TMBIM4: variants seen among roughly 807,000 people sequenced by gnomAD.
TMBIM4 encodes transmembrane BAX inhibitor motif containing 4, also known as protein lifeguard 4.
TMBIM4 carries 28 observed loss-of-function variants against 27.7 expected under a neutral mutation model. The ratio of observed to expected loss-of-function variants is 1.01; its 90% CI spans 0.75 to 1.38. The LOEUF (loss-of-function observed/expected upper bound fraction) is 1.38. Ranked by LOEUF, TMBIM4 falls within the 40% of genes most tolerant of loss-of-function variation. The pLI, the probability that TMBIM4 is intolerant of heterozygous loss-of-function variation, is 0.00. For missense variants in TMBIM4, 265 were observed against 277.5 expected (o/e 0.95, Z 0.32); for synonymous variants, 115 against 113.1 (o/e 1.02, Z -0.11).
At chr12:66,153,483 T>C in intron 1 of TMBIM4, 35 bp from the exon 2 acceptor site, 1 of 1,263,858 alleles carries the variant, frequency 7.9e-7, no homozygotes, top group Non-Finnish European at 1.1e-6. Context: ...ACTATTTTCT[T>C]AACCATTTAT....
intron 2 of TMBIM4, 36 bp downstream of exon 2, chr12:66,153,304 G>A (rs2051880084): frequency 2.5e-6 from 3 of 1,220,476 alleles, no homozygotes; most frequent in African/African-American, 3.1e-5. Context: ...CATATGCAAT[G>A]TCTGAAAATT....
chr12:66,162,595 G>T (rs2052060958), intron 1 of TMBIM4, among the ~76,000 whole-genome samples: 1 of 152,210 alleles, frequency 6.6e-6, no homozygotes, highest in South Asian at 2.1e-4. Flanking sequence ...ACAATCTGCT[G>T]TGACTATCAA....
intron 1 of TMBIM4, among the ~76,000 whole-genome samples, chr12:66,162,486 A>T (rs1212817484): frequency 1.3e-5 from 2 of 152,218 alleles, no homozygotes; most frequent in Non-Finnish European, 2.9e-5. Flanking sequence ...TTCACACTGT[A>T]AAAGTGATTA....
intron 5 of TMBIM4, among the ~76,000 whole-genome samples, chr12:66,139,850 C>T (rs115245854): frequency 1.2e-3 from 183 of 152,286 alleles, no homozygotes; most frequent in African/African-American, 4.3e-3. Flanking sequence ...AGTTTGCATT[C>T]ACACAAGCTG....
Position 66,137,657 on chromosome 12 carries a change from G to C in TMBIM4, c.*303C>G. Reference sequence around the variant, plus strand: ...GATCCACCTGCCTCGGTCTCCCAAAGTGGTGGGATTACAGGCGTGAGCCAC... The same window carrying C: ...GATCCACCTGCCTCGGTCTCCCAAACTGGTGGGATTACAGGCGTGAGCCAC... On this transcript the variant is annotated 3_prime_UTR_variant, in exon 7 of 7. Coordinates refer to ENST00000358230, the MANE Select transcript of TMBIM4 (RefSeq NM_016056.4). 1 of 287,726 alleles carries C rather than the reference G, an allele frequency of 3.5e-6. No individual in the cohort carries two copies. The highest frequency in any genetic ancestry group is 6.7e-6 in the Non-Finnish European group (1 of 148,694). The allele number at this position is 287,726 out of a possible 1,614,324, so 17.8% of individuals were successfully genotyped here.
At chr12:66,160,475 T>C (rs1173905832) in intron 1 of TMBIM4, among the ~76,000 whole-genome samples, 2 of 152,144 alleles carry the variant, frequency 1.3e-5, no homozygotes, top group South Asian at 2.1e-4. Context: ...CAAGTGGGGA[T>C]GGTTAAATAA....
chr12:66,161,565 T>C (rs1478771709), intron 1 of TMBIM4, among the ~76,000 whole-genome samples: 1 of 152,240 alleles, frequency 6.6e-6, no homozygotes, highest in Admixed American at 6.5e-5. Flanking sequence ...GGAGCATTTT[T>C]AACCTTTTAA....
In TMBIM4 at chr12:66,145,869, TA is replaced by T; in HGVS notation, c.435del (p.Lys146ArgfsTer24). The T allele has an allele frequency of 6.2e-7, 1 of 1,604,706 alleles. No individual in the cohort carries two copies. The highest frequency in any genetic ancestry group is 8.5e-7 in the Non-Finnish European group (1 of 1,173,446). On this transcript the variant is annotated frameshift_variant, in exon 5 of 7. Transcript: ENST00000358230. LOFTEE classifies it high-confidence loss of function. ...FFGLTVYTLQ[S>X]KKDFSKFGAG... is the part of the protein sequence containing the mutation. Reference sequence around the variant, plus strand: ...GCTCCAAATTTGCTGAAATCCTTCTTAGATTGTAGAGTATACACAGTCAAAC... The same window carrying T: ...GCTCCAAATTTGCTGAAATCCTTCTTGATTGTAGAGTATACACAGTCAAAC...
intron 1 of TMBIM4, among the ~76,000 whole-genome samples, chr12:66,168,386 G>T (rs1182449265): frequency 6.6e-6 from 1 of 152,172 alleles, no homozygotes; most frequent in Admixed American, 6.5e-5. Flanking sequence ...GGGACTGGGG[G>T]AAGGAAGGAA....
intron 5 of TMBIM4, among the ~76,000 whole-genome samples, chr12:66,140,133 T>A (rs1314781611): frequency 6.6e-6 from 1 of 151,760 alleles, no homozygotes; most frequent in African/African-American, 2.4e-5. Flanking sequence ...TGCAAAAGAA[T>A]GAAGGAAATA....
chr12:66,146,054 T>C, intron 4 of TMBIM4, 96 bp from the exon 5 acceptor site: 1 of 605,086 alleles, frequency 1.7e-6, no homozygotes, highest in Non-Finnish European at 2.9e-6. Flanking sequence ...TTTTCTCCTG[T>C]ACTTTATGCC....
chr12:66,138,787 T>C lies in TMBIM4; in HGVS notation c.465-18A>G, dbSNP rs772064698. On this transcript the variant is annotated intron_variant, in intron 5 of 6. Transcript: ENST00000358230. ...CAAACAGCCTATAAAAATACAATTT[T>C]AGTAATTTGCAATATTGTTCCTTAC... 6.6e-7 allele frequency: 1 copy of C among 1,526,480 alleles called. No homozygotes were observed. Among genetic ancestry groups the C allele is most frequent in the Non-Finnish European group, 8.7e-7 (1 of 1,145,830 alleles). 94.6% of individuals were successfully genotyped at this position (1,526,480 alleles called of 1,614,324 possible).
chr12:66,142,957 C>A (rs186514011), intron 5 of TMBIM4, among the ~76,000 whole-genome samples: 1 of 152,280 alleles, frequency 6.6e-6, no homozygotes, highest in East Asian at 1.9e-4. Context: ...CTACAACATC[C>A]AAGTTGAAAT....
chr12:66,153,249 G>C, intron 2 of TMBIM4, 91 bp downstream of exon 2: 1 of 784,184 alleles, frequency 1.3e-6, no homozygotes, highest in Non-Finnish European at 2.1e-6. Context: ...AACCTCAAAA[G>C]TTAATAGAAA....
At chr12:66,161,187 T>A (rs1462931081) in intron 1 of TMBIM4, 1 of 152,256 alleles carries the variant, frequency 6.6e-6, no homozygotes, top group Non-Finnish European at 1.5e-5. Flanking sequence ...ACATTTTAGA[T>A]GTATATTATT....
rs1592530696 is a variant in TMBIM4 at position 66,137,843 on chromosome 12, T to C, written c.*117A>G. The C allele has an allele frequency of 6.4e-6, 2 of 314,840 alleles. No individual in the cohort carries two copies. Among genetic ancestry groups the C allele is most frequent in the Non-Finnish European group, 1.1e-5 (2 of 185,012 alleles). 19.5% of individuals were successfully genotyped at this position (314,840 alleles called of 1,614,324 possible). ...AAAGATTGTAACAGTATTTAATCAT[T>C]GTTTCAAACTTTATTACTTAATGAA... On this transcript the variant is annotated 3_prime_UTR_variant, in exon 7 of 7. Coordinates refer to ENST00000358230, the MANE Select transcript of TMBIM4 (RefSeq NM_016056.4).
At chr12:66,160,525 T>A (rs929829194) in intron 1 of TMBIM4, among the ~76,000 whole-genome samples, 2 of 152,228 alleles carry the variant, frequency 1.3e-5, no homozygotes, top group African/African-American at 4.8e-5. Context: ...GAAAGACTAC[T>A]GCAGAATAAA....
rs1302015981 is a variant in TMBIM4 at position 66,138,807 on chromosome 12, C to T, written c.465-38G>A. The stretch of plus-strand genomic sequence containing the variant: ...AATTTTAGTAATTTGCAATATTGTT[C>T]CTTACAAAAAAACTTTGTAAACCCA... On this transcript the variant is annotated intron_variant, in intron 5 of 6. Transcript: ENST00000358230. The T allele has an allele frequency of 3.4e-6, 5 of 1,458,430 alleles. No individual in the cohort carries two copies. In the African/African-American group the frequency reaches 7.4e-5, roughly 21 times the overall value. 90.3% of individuals were successfully genotyped at this position (1,458,430 alleles called of 1,614,324 possible). A position where few individuals can be genotyped will look rare whatever the true frequency, so the allele number is the denominator to read the frequency against.
rs1565782915 is a variant in TMBIM4, at chr12:66,145,911, T to C, written c.394A>G (p.Thr132Ala). The change falls in exon 5 of 7, where the codon ACT (threonine) becomes GCT (alanine). Residue 132 changes from threonine to alanine, a missense_variant. Transcript: ENST00000358230. ...YIILQAFILT[T>A]TVFFGLTVYT... ...ACAGTCAAACCAAAAAATACTGTAGTAGTCAGTATGAAAGCTTGCAGAATA... is the reference window on the plus strand; with the variant it reads ...ACAGTCAAACCAAAAAATACTGTAGCAGTCAGTATGAAAGCTTGCAGAATA... 6.2e-7 allele frequency: 1 copy of C among 1,606,116 alleles called. No individual in the cohort carries two copies. The highest frequency in any genetic ancestry group is 8.5e-7 in the Non-Finnish European group (1 of 1,173,932).
Sources: gnomAD v4.1 joint callset for allele counts (sites outside exome capture counted in the v4.1 genomes callset) on GRCh38, gnomAD v4.1.1 for gene constraint, MANE v1.5 for transcripts, NCBI Gene and HGNC (gene_info 2026-07-23, HGNC 2026-07-21) for gene names.